The following SFRP1 variants were observed in gnomAD, a reference collection of about 807,000 sequenced individuals.
SFRP1 encodes the protein secreted frizzled-related protein 1.
Under a neutral mutation model 25.9 loss-of-function variants are expected in SFRP1, and 9 were observed. The ratio of observed to expected loss-of-function variants is 0.35; its 90% CI spans 0.21 to 0.61. The LOEUF is 0.61. Ranked by LOEUF, SFRP1 falls within the 20% of genes least tolerant of loss-of-function variation. The probability of loss-of-function intolerance (pLI) is 0.78; values close to 1 mark genes in which losing one functional copy is unlikely to be tolerated. For synonymous variants in SFRP1, 178 were observed against 174.0 expected, an observed-to-expected ratio of 1.02 and a Z score of -0.18; for missense variants, 346 against 418.2, an observed-to-expected ratio of 0.83 and a Z score of 1.51.
intron 2 of SFRP1, among the ~76,000 whole-genome samples, chr8:41,276,592 T>C (rs762314273): frequency 2.0e-5 from 3 of 152,336 alleles, no homozygotes; most frequent in African/African-American, 7.2e-5. Flanking sequence ...ACATGCTGCA[T>C]ACTTGGATGC....
intron 2 of SFRP1, among the ~76,000 whole-genome samples, chr8:41,282,680 AT>A (rs1207813146): frequency 6.6e-6 from 1 of 152,108 alleles, no homozygotes; most frequent in Non-Finnish European, 1.5e-5. Flanking sequence ...ATTCTGTATT[AT>A]TTGGACATTT....
chr8:41,268,909 G>T (rs1382383754), intron 2 of SFRP1, among the ~76,000 whole-genome samples: 1 of 152,256 alleles, frequency 6.6e-6, no homozygotes, highest in East Asian at 1.9e-4. Context: ...TGCAAATGGT[G>T]GTGGTGAACA....
intron 2 of SFRP1, among the ~76,000 whole-genome samples, chr8:41,283,228 A>C (rs1803657119): frequency 6.6e-6 from 1 of 152,212 alleles, no homozygotes; most frequent in Non-Finnish European, 1.5e-5. Flanking sequence ...CAAGTGTCAG[A>C]ATTAGACCAC....
intron 2 of SFRP1, among the ~76,000 whole-genome samples, chr8:41,299,261 A>G (rs9298614): frequency 0.63 from 95,165 of 151,656 alleles, 30,223 homozygotes; most frequent in Middle Eastern, 0.73. Context: ...CTGTGGATAG[A>G]ATATGTATCT....
chr8:41,271,168 C>T (rs1803501131), intron 2 of SFRP1: 1 of 154,166 alleles, frequency 6.5e-6, no homozygotes, highest in South Asian at 2.0e-4. Context: ...TATGGGCCCT[C>T]TGCAAAATTC....
At chr8:41,300,079 A>T (rs1180007365) in intron 2 of SFRP1, among the ~76,000 whole-genome samples, 1 of 152,182 alleles carries the variant, frequency 6.6e-6, no homozygotes, top group Admixed American at 6.5e-5. Flanking sequence ...CAAGAACTCA[A>T]ACTGCCCGTC....
chr8:41,299,183 G>A, intron 2 of SFRP1, among the ~76,000 whole-genome samples: 1 of 149,028 alleles, frequency 6.7e-6, no homozygotes, highest in East Asian at 2.0e-4. Context: ...AGTGCACTAA[G>A]CAATGGGCCA....
At position 41,265,192 on chromosome 8, in the gene SFRP1, G is replaced by A; in HGVS notation, c.920C>T (p.Pro307Leu). 1.2e-6 allele frequency: 2 copies of A among 1,611,140 alleles called. No individual in the cohort carries two copies. The highest frequency in any genetic ancestry group is 1.7e-6 in the Non-Finnish European group (2 of 1,178,450). The change falls in exon 3 of 3, where the codon CCC (proline) becomes CTC (leucine). Residue 307 changes from proline to leucine, a missense_variant. Coordinates refer to ENST00000220772, the MANE Select transcript of SFRP1 (RefSeq NM_003012.5). Reference sequence around the variant, plus strand: ...TCACTTAAACACGGACTGAAAGGTGGGGCACTCATGGTTTTTCATTTTCTT... The same window carrying A: ...TCACTTAAACACGGACTGAAAGGTGAGGCACTCATGGTTTTTCATTTTCTT... ...FMKKMKNHEC[P>L]TFQSVFK
chr8:41,296,702 T>C lies in SFRP1; in HGVS notation c.622+6759A>G, dbSNP rs115076280. Reference sequence around the variant, plus strand: ...CCCCAGAGATATCGCTGGAGAAAAATGGAGAACAAAGTGAAGTAAAACAGC... The same window carrying C: ...CCCCAGAGATATCGCTGGAGAAAAACGGAGAACAAAGTGAAGTAAAACAGC... On this transcript the variant is annotated intron_variant, in intron 2 of 2. Coordinates refer to ENST00000220772, the MANE Select transcript of SFRP1 (RefSeq NM_003012.5). 2.5e-3 allele frequency among the ~76,000 whole-genome samples: 373 copies of C among 151,926 alleles called. 6 individuals are homozygous for C. Among genetic ancestry groups the C allele is most frequent in the African/African-American group, 8.4e-3 (350 of 41,422 alleles).
intron 2 of SFRP1, among the ~76,000 whole-genome samples, chr8:41,303,255 A>C (rs2117519626): frequency 6.6e-6 from 1 of 151,952 alleles, no homozygotes; most frequent in East Asian, 1.9e-4. Flanking sequence ...CCCACAAAGG[A>C]GGGCAAAGTA....
At chr8:41,279,046 T>C (rs1024276410) in intron 2 of SFRP1, among the ~76,000 whole-genome samples, 11 of 151,938 alleles carry the variant, frequency 7.2e-5, no homozygotes, top group African/African-American at 7.3e-5. Flanking sequence ...TGCCTCAACA[T>C]TGATGCAGCA....
intron 2 of SFRP1, among the ~76,000 whole-genome samples, chr8:41,286,336 G>T (rs552632771): frequency 1.3e-5 from 2 of 152,176 alleles, no homozygotes; most frequent in African/African-American, 4.8e-5. Flanking sequence ...CCGAGGCAGG[G>T]GCGGTTCCCG....
At chr8:41,295,390 A>T (rs1054181175) in intron 2 of SFRP1, among the ~76,000 whole-genome samples, 1 of 152,058 alleles carries the variant, frequency 6.6e-6, no homozygotes, top group Non-Finnish European at 1.5e-5. Context: ...TTAGCCGAGC[A>T]TGGTGGTGGG....
At chr8:41,273,653 G>C (rs1803538628) in intron 2 of SFRP1, among the ~76,000 whole-genome samples, 1 of 152,116 alleles carries the variant, frequency 6.6e-6, no homozygotes, top group Non-Finnish European at 1.5e-5. Context: ...CAAGACACGG[G>C]ATTCAGGAAA....
At chr8:41,299,208 C>A (rs544402115) in intron 2 of SFRP1, among the ~76,000 whole-genome samples, 1 of 150,502 alleles carries the variant, frequency 6.6e-6, no homozygotes, top group East Asian at 2.0e-4. Context: ...CAGGTTTTTA[C>A]GCACATAAAA....
intron 2 of SFRP1, among the ~76,000 whole-genome samples, chr8:41,299,789 T>G (rs1426583126): frequency 6.6e-6 from 1 of 151,952 alleles, no homozygotes; most frequent in African/African-American, 2.4e-5. Flanking sequence ...ACTATTTGAG[T>G]GCAAATAGGC....
chr8:41,296,030 A>G (rs552431065), intron 2 of SFRP1, among the ~76,000 whole-genome samples: 1 of 152,358 alleles, frequency 6.6e-6, no homozygotes, highest in Admixed American at 6.5e-5. Context: ...GAGGCACTCA[A>G]ACCCAGGGAG....
chr8:41,308,449 C>T (rs1205271589), intron 1 of SFRP1, among the ~76,000 whole-genome samples, 167 bp downstream of exon 1: 1 of 152,238 alleles, frequency 6.6e-6, no homozygotes, highest in Non-Finnish European at 1.5e-5. Context: ...CTGGGACAGA[C>T]CAGACGCGCT....
At chr8:41,299,095 C>A (rs550601641) in intron 2 of SFRP1, among the ~76,000 whole-genome samples, 9 of 151,982 alleles carry the variant, frequency 5.9e-5, no homozygotes, top group Non-Finnish European at 2.9e-5. Flanking sequence ...ACCGCCTACC[C>A]CCCCAACCCC....
Sources: gnomAD v4.1 joint callset for allele counts (sites outside exome capture counted in the v4.1 genomes callset) on GRCh38, gnomAD v4.1.1 for gene constraint, MANE v1.5 for transcripts, NCBI Gene and HGNC (gene_info 2026-07-23, HGNC 2026-07-21) for gene names.